CLCC1: variants seen among roughly 807,000 people sequenced by gnomAD.
The protein encoded by CLCC1 is chloride channel CLIC-like protein 1.
Under a neutral mutation model 63.3 loss-of-function variants are expected in CLCC1, and 39 were observed. The observed-to-expected ratio is 0.62, with a 90% CI of 0.48 to 0.81. The LOEUF (loss-of-function observed/expected upper bound fraction) is 0.81. CLCC1 is among the 30% of genes least tolerant of loss of function. The probability of loss-of-function intolerance (pLI) is 0.00; values close to 1 mark genes in which losing one functional copy is unlikely to be tolerated. For synonymous variants in CLCC1, 217 were observed against 239.8 expected (o/e 0.90, Z 0.88); for missense variants, 549 against 669.4 (o/e 0.82, Z 1.98).
intron 10 of CLCC1, among the ~76,000 whole-genome samples, chr1:108,939,128 A>C (rs1653429085): frequency 6.7e-6 from 1 of 148,940 alleles, no homozygotes; most frequent in Non-Finnish European, 1.5e-5. Flanking sequence ...ACTAACCAGT[A>C]TTACTAATAT....
chr1:108,945,890 T>C (rs1354978322), intron 5 of CLCC1, among the ~76,000 whole-genome samples: 2 of 152,160 alleles, frequency 1.3e-5, no homozygotes, highest in African/African-American at 2.4e-5. Context: ...AGGTGGGACA[T>C]GGTGGCTCAC....
chr1:108,946,179 G>A (rs967843429), intron 5 of CLCC1, among the ~76,000 whole-genome samples: 7 of 152,016 alleles, frequency 4.6e-5, no homozygotes, highest in Admixed American at 1.3e-4. Flanking sequence ...GCATGGTGGC[G>A]GGTGCCTGTA....
chr1:108,941,325 T>C, intron 8 of CLCC1, 80 bp downstream of exon 8: 1 of 1,279,696 alleles, frequency 7.8e-7, no homozygotes, highest in South Asian at 1.3e-5. Context: ...CCTCCTGTTA[T>C]TTTATCATTC....
At chr1:108,956,882 A>AGGCTGGGAGGCTGGGAGGCG (rs756017179) in intron 2 of CLCC1, among the ~76,000 whole-genome samples, 14 of 104,418 alleles carry the variant, frequency 1.3e-4, no homozygotes, top group South Asian at 3.3e-4. Flanking sequence ...GCTGGGAGGC[A>AGGCTGGGAGGCTGGGAGGCG]GGGAGGCGGG....
chr1:108,955,469 T>C (rs917155465), intron 2 of CLCC1, among the ~76,000 whole-genome samples: 1 of 151,382 alleles, frequency 6.6e-6, no homozygotes. Context: ...AATCCTTTGG[T>C]TGAAGTGGGG....
intron 2 of CLCC1, among the ~76,000 whole-genome samples, chr1:108,954,083 G>A (rs1052163405): frequency 2.7e-5 from 4 of 150,622 alleles, no homozygotes; most frequent in Non-Finnish European, 5.9e-5. Context: ...ATGGGAATCC[G>A]AGGTATGGGT....
chr1:108,936,858 T>C (rs1653098978), intron 11 of CLCC1, among the ~76,000 whole-genome samples: 1 of 152,234 alleles, frequency 6.6e-6, no homozygotes, highest in Non-Finnish European at 1.5e-5. Context: ...TCTAACAAAC[T>C]ACTGTTAAAT....
rs2101581755 is a variant in CLCC1 at position 108,930,491 on chromosome 1, C to T, written c.*2056G>A. The T allele has an allele frequency of 6.5e-6, 1 of 153,524 alleles. No homozygotes were observed. The highest frequency in any genetic ancestry group is 2.4e-5 in the African/African-American group (1 of 41,502). The allele number at this position is 153,524 out of a possible 1,614,324, so 9.5% of individuals were successfully genotyped here. On this transcript the variant is annotated 3_prime_UTR_variant, in exon 13 of 13. Transcript: ENST00000369969. Reference sequence around the variant, plus strand: ...CTACTTCTTGGGCTGGGCATGGTGGCTCATTCCTGTAATCCCAGCACATTG... The same window carrying T: ...CTACTTCTTGGGCTGGGCATGGTGGTTCATTCCTGTAATCCCAGCACATTG...
intron 11 of CLCC1, among the ~76,000 whole-genome samples, chr1:108,935,951 G>A (rs758590169): frequency 6.6e-6 from 1 of 152,094 alleles, no homozygotes; most frequent in Non-Finnish European, 1.5e-5. Context: ...GTGGGGGAAG[G>A]GGAGACCAAG....
At chr1:108,951,951 ACT>A (rs1181630649) in intron 2 of CLCC1, among the ~76,000 whole-genome samples, 1 of 150,912 alleles carries the variant, frequency 6.6e-6, no homozygotes, top group Admixed American at 6.6e-5. Context: ...AAATTAATTA[ACT>A]TTTTTGTAGA....
chr1:108,954,742 T>C (rs1438178929), intron 2 of CLCC1, among the ~76,000 whole-genome samples: 2 of 151,166 alleles, frequency 1.3e-5, no homozygotes, highest in Non-Finnish European at 2.9e-5. Flanking sequence ...AATGAGAATA[T>C]GGTTGTGGAA....
At chr1:108,959,097 C>T (rs1184228856) in intron 2 of CLCC1, among the ~76,000 whole-genome samples, 2 of 152,132 alleles carry the variant, frequency 1.3e-5, no homozygotes, top group African/African-American at 4.8e-5. Flanking sequence ...TCACTTGAAC[C>T]CGGGAGGCGG....
chr1:108,962,148 G>A (rs1380838751), intron 2 of CLCC1, among the ~76,000 whole-genome samples, 161 bp downstream of exon 2: 4 of 152,162 alleles, frequency 2.6e-5, no homozygotes, highest in African/African-American at 7.2e-5. Flanking sequence ...TCCACAGAGC[G>A]GGAAATAGGG....
chr1:108,939,828 G>A, intron 9 of CLCC1, 46 bp from the exon 10 acceptor site: 1 of 1,571,592 alleles, frequency 6.4e-7, no homozygotes, highest in Non-Finnish European at 8.6e-7. Context: ...ACAGGACTAA[G>A]GTACAGAATG....
At chr1:108,952,178 T>G (rs1408827212) in intron 2 of CLCC1, among the ~76,000 whole-genome samples, 1 of 151,378 alleles carries the variant, frequency 6.6e-6, no homozygotes, top group Admixed American at 6.6e-5. Context: ...CCCCTATTTT[T>G]GGGTTTTTTG....
chr1:108,951,195 C>G (rs1655134439), intron 2 of CLCC1, among the ~76,000 whole-genome samples: 1 of 152,066 alleles, frequency 6.6e-6, no homozygotes, highest in African/African-American at 2.4e-5. Flanking sequence ...CTCAGGAGTT[C>G]AAGACCAGGC....
rs1557889843 is a variant in CLCC1, at chr1:108,934,684, T to G, written c.1642A>C (p.Ser548Arg). 6.2e-7 allele frequency: 1 copy of G among 1,613,148 alleles called. No homozygotes were observed. The highest frequency in any genetic ancestry group is 2.2e-5 in the East Asian group (1 of 44,872). ...CTGGTGTTCCTCTAGCCACAGGGGC[T>G]GCTGACCGGATCCTGTCCACGTGGT... ...AGPRGQDPVS[S>R]PCG The change falls in exon 12 of 13, where the codon AGC becomes CGC. Residue 548 changes from serine to arginine, a missense_variant. By Grantham distance (110) the Ser-to-Arg change is moderately radical (BLOSUM62 -1). Transcript: ENST00000369969.
intron 4 of CLCC1, 54 bp from the exon 5 acceptor site, chr1:108,947,772 G>A (rs1654726607): frequency 1.6e-6 from 2 of 1,225,782 alleles, no homozygotes; most frequent in South Asian, 1.3e-5. Context: ...TAATATAAGG[G>A]TTAAGTTTCT....
At chr1:108,933,629 G>A (rs191361403) in intron 12 of CLCC1, 1 of 152,238 alleles carries the variant, frequency 6.6e-6, no homozygotes, top group Non-Finnish European at 1.5e-5. Flanking sequence ...GTGTGAATAT[G>A]GTTAAAACAA....
Sources: gnomAD v4.1 joint callset for allele counts (sites outside exome capture counted in the v4.1 genomes callset) on GRCh38, gnomAD v4.1.1 for gene constraint, MANE v1.5 for transcripts, NCBI Gene and HGNC (gene_info 2026-07-23, HGNC 2026-07-21) for gene names.